Variants in RANBP17 observed in about 807,000 individuals in gnomAD.
RANBP17 encodes the protein RAN binding protein 17, also known as ran-binding protein 17.
In RANBP17, 158 loss-of-function variants were observed where a neutral mutation model predicts 141.2. The ratio of observed to expected loss-of-function variants is 1.12; its 90% CI spans 0.98 to 1.28. The LOEUF is 1.28. RANBP17 is among the 50% of genes most tolerant of loss of function. RANBP17 has a pLI of 0.00. For synonymous variants in RANBP17, 430 were observed against 450.0 expected, an observed-to-expected ratio of 0.96 and a Z score of 0.56; for missense variants, 1,438 against 1,290.7, an observed-to-expected ratio of 1.11 and a Z score of -1.75.
At chr5:171,251,964 T>A (rs1366286500) in intron 24 of RANBP17, 18 of 1,609,322 alleles carry the variant, frequency 1.1e-5, no homozygotes, top group African/African-American at 2.7e-5. Context: ...GCTACTGCAA[T>A]TCAGTTCTTC....
At chr5:170,974,223 A>C (rs1777203906) in intron 14 of RANBP17, among the ~76,000 whole-genome samples, 1 of 152,244 alleles carries the variant, frequency 6.6e-6, no homozygotes, top group South Asian at 2.1e-4. Context: ...TCTAGCTGTC[A>C]GCCTGTTAAA....
intron 14 of RANBP17, among the ~76,000 whole-genome samples, chr5:171,092,908 G>A (rs1044499520): frequency 6.6e-6 from 1 of 152,148 alleles, no homozygotes; most frequent in Admixed American, 6.5e-5. Flanking sequence ...CTAATATTTA[G>A]TTTGGTTTGT....
At chr5:171,176,566 A>G (rs1041524685) in intron 16 of RANBP17, among the ~76,000 whole-genome samples, 1 of 152,130 alleles carries the variant, frequency 6.6e-6, no homozygotes, top group East Asian at 1.9e-4. Flanking sequence ...TTCCTTTTCT[A>G]TATTTCTCCA....
At chr5:171,292,654 G>A (rs1768562746) in intron 25 of RANBP17, among the ~76,000 whole-genome samples, 2 of 152,266 alleles carry the variant, frequency 1.3e-5, no homozygotes, top group South Asian at 2.1e-4. Context: ...CTGGAGCTGT[G>A]GGAACAGAAG....
chr5:170,980,065 A>T (rs1486607820), intron 14 of RANBP17, among the ~76,000 whole-genome samples: 2 of 152,064 alleles, frequency 1.3e-5, no homozygotes, highest in Non-Finnish European at 2.9e-5. Flanking sequence ...AGCAAAGGTG[A>T]CTCTTACTAT....
chr5:170,915,898 T>A (rs1771910348), intron 8 of RANBP17, among the ~76,000 whole-genome samples: 1 of 152,172 alleles, frequency 6.6e-6, no homozygotes, highest in South Asian at 2.1e-4. Context: ...CTATTAAATG[T>A]ATAGCATGTA....
At chr5:170,993,594 C>T (rs529667168) in intron 14 of RANBP17, among the ~76,000 whole-genome samples, 1 of 151,916 alleles carries the variant, frequency 6.6e-6, no homozygotes, top group Non-Finnish European at 1.5e-5. Flanking sequence ...ATAATGGTAC[C>T]TATGTTTTAG....
At chr5:170,961,509 G>C (rs978251346) in intron 13 of RANBP17, among the ~76,000 whole-genome samples, 1 of 152,040 alleles carries the variant, frequency 6.6e-6, no homozygotes, top group Non-Finnish European at 1.5e-5. Context: ...TATACACATT[G>C]AACATCCCTA....
At chr5:171,186,779 G>T (rs558677349) in intron 18 of RANBP17, among the ~76,000 whole-genome samples, 2 of 151,728 alleles carry the variant, frequency 1.3e-5, no homozygotes, top group East Asian at 3.9e-4. Flanking sequence ...CTCGTGATCC[G>T]CCCGCCTCGG....
chr5:170,999,449 T>G (rs778393832), intron 14 of RANBP17, among the ~76,000 whole-genome samples: 2 of 152,172 alleles, frequency 1.3e-5, no homozygotes, highest in Non-Finnish European at 2.9e-5. Flanking sequence ...ATATAATTAC[T>G]GTCTAGAGCC....
intron 20 of RANBP17, among the ~76,000 whole-genome samples, chr5:171,208,600 A>T (rs540336726): frequency 1.8e-4 from 27 of 152,304 alleles, no homozygotes; most frequent in South Asian, 4.2e-4. Context: ...CATTGAACTC[A>T]CTGATTTTTA....
intron 14 of RANBP17, among the ~76,000 whole-genome samples, chr5:171,122,278 G>GT (rs917381629): frequency 4.6e-5 from 7 of 151,822 alleles, no homozygotes; most frequent in Non-Finnish European, 8.8e-5. Flanking sequence ...TTGTTGCCTT[G>GT]TTTTTTTTCT....
intron 14 of RANBP17, among the ~76,000 whole-genome samples, chr5:170,998,191 C>G (rs1486156344): frequency 1.3e-5 from 2 of 151,896 alleles, no homozygotes; most frequent in Non-Finnish European, 2.9e-5. Flanking sequence ...CTTAGTTGCA[C>G]AGTATGCTAT....
At chr5:171,261,755 C>T (rs1766343986) in intron 24 of RANBP17, among the ~76,000 whole-genome samples, 1 of 152,092 alleles carries the variant, frequency 6.6e-6, no homozygotes, top group East Asian at 1.9e-4. Flanking sequence ...AGAACTAGGA[C>T]AAAATATGAA....
intron 14 of RANBP17, among the ~76,000 whole-genome samples, chr5:171,029,602 G>A (rs577119071): frequency 7.9e-5 from 12 of 152,152 alleles, no homozygotes; most frequent in African/African-American, 2.9e-4. Context: ...ACTTCTATAT[G>A]CTAGTAATAA....
chr5:171,058,823 G>C (rs1490211298), intron 14 of RANBP17, among the ~76,000 whole-genome samples: 4 of 149,686 alleles, frequency 2.7e-5, no homozygotes, highest in Admixed American at 6.7e-5. Context: ...TCCAGCACCT[G>C]TTGTTTCCTG....
chr5:171,132,948 C>T (rs149647298), intron 14 of RANBP17, among the ~76,000 whole-genome samples: 8,006 of 151,868 alleles, frequency 0.053, 269 homozygotes, highest in East Asian at 0.12. Flanking sequence ...TGCAGTGGCG[C>T]GATCTCAGCT....
intron 24 of RANBP17, among the ~76,000 whole-genome samples, chr5:171,251,542 A>G (rs1050822419): frequency 1.3e-4 from 17 of 131,022 alleles, no homozygotes; most frequent in East Asian, 4.2e-4. Flanking sequence ...ATTATAGTGG[A>G]AAAAAAAAAA....
At chr5:171,110,215 T>C (rs1755128333) in intron 14 of RANBP17, among the ~76,000 whole-genome samples, 1 of 152,058 alleles carries the variant, frequency 6.6e-6, no homozygotes, top group African/African-American at 2.4e-5. Context: ...GACAAATATT[T>C]ATACTCTTAG....
Sources: allele counts gnomAD v4.1 joint callset (sites outside exome capture counted in the v4.1 genomes callset), GRCh38; gene constraint gnomAD v4.1.1; transcripts MANE v1.5; gene names NCBI Gene and HGNC (gene_info 2026-07-23, HGNC 2026-07-21).